TRAPPC9: variants seen among roughly 807,000 people sequenced by gnomAD.
TRAPPC9 encodes the protein trafficking protein particle complex subunit 9, also known as IKK2 binding protein.
In TRAPPC9, 83 loss-of-function variants were observed where a neutral mutation model predicts 124.0. The ratio of observed to expected loss-of-function variants is 0.67; its 90% CI spans 0.56 to 0.80. The LOEUF (loss-of-function observed/expected upper bound fraction) is 0.80, where lower values mean the gene tolerates loss of function less well. Ranked by LOEUF, TRAPPC9 falls within the 30% of genes least tolerant of loss-of-function variation. The pLI is 0.00. For missense variants in TRAPPC9, 1,302 were observed against 1,508.3 expected (o/e 0.86, Z 2.27); for synonymous variants, 638 against 617.5 (o/e 1.03, Z -0.49).
intron 19 of TRAPPC9, among the ~76,000 whole-genome samples, chr8:139,934,877 A>C (rs1024981013): frequency 6.6e-6 from 1 of 152,228 alleles, no homozygotes; most frequent in African/African-American, 2.4e-5. Flanking sequence ...TAGGAGCCCC[A>C]GCACTGCCAA....
intron 2 of TRAPPC9, among the ~76,000 whole-genome samples, chr8:140,445,542 C>T (rs993113257): frequency 6.6e-6 from 1 of 152,164 alleles, no homozygotes; most frequent in Non-Finnish European, 1.5e-5. Flanking sequence ...GAGGAGGGAG[C>T]CCGGGCCAGG....
chr8:139,756,861 T>C (rs1437230142), intron 21 of TRAPPC9, among the ~76,000 whole-genome samples: 1 of 128,290 alleles, frequency 7.8e-6, no homozygotes, highest in Non-Finnish European at 1.6e-5. Context: ...GAGCCAGGGA[T>C]TGGGGATGAG....
At chr8:140,091,230 C>A (rs1019431738) in intron 17 of TRAPPC9, among the ~76,000 whole-genome samples, 7 of 152,304 alleles carry the variant, frequency 4.6e-5, no homozygotes, top group Non-Finnish European at 8.8e-5. Flanking sequence ...GCCCCCTCAT[C>A]CTGCACCCCC....
At chr8:140,453,388 G>A (rs988403812) in intron 1 of TRAPPC9, among the ~76,000 whole-genome samples, 8 of 152,130 alleles carry the variant, frequency 5.3e-5, no homozygotes, top group East Asian at 1.9e-4. Flanking sequence ...TGCAGAGATC[G>A]TGGCAGTAAA....
chr8:140,300,319 A>G (rs775001049), intron 11 of TRAPPC9, 150 bp downstream of exon 11: 3 of 995,768 alleles, frequency 3.0e-6, no homozygotes, highest in South Asian at 1.3e-5. Context: ...ATGCACACAC[A>G]TATACACACA....
At chr8:140,122,423 A>G (rs1239556654) in intron 17 of TRAPPC9, among the ~76,000 whole-genome samples, 3 of 152,174 alleles carry the variant, frequency 2.0e-5, no homozygotes, top group African/African-American at 7.2e-5. Flanking sequence ...AGGCCACTAC[A>G]TTTGTGACAA....
rs565810619 is a variant in TRAPPC9, at chr8:140,223,105, T to C, written c.2432-1522A>G. Among the ~76,000 whole-genome samples the C allele has an allele frequency of 2.0e-5, 3 of 152,300 alleles. No individual in the cohort carries two copies. In the South Asian group the frequency reaches 6.2e-4, roughly 32 times the overall value. ...GTGCCATGGTGGTTTGCTGCACCTA[T>C]CAACCCATCACCCACGTATTAAACC... is the stretch of plus-strand genomic sequence containing the variant. On this transcript the variant is annotated intron_variant, in intron 16 of 22. Coordinates refer to ENST00000438773, the MANE Select transcript of TRAPPC9 (RefSeq NM_001160372.4).
intron 16 of TRAPPC9, among the ~76,000 whole-genome samples, chr8:140,251,188 C>T (rs1446441801): frequency 2.6e-5 from 4 of 152,198 alleles, no homozygotes; most frequent in Non-Finnish European, 4.4e-5. Flanking sequence ...AGCCTGGAGT[C>T]CACGTGCCAA....
intron 17 of TRAPPC9, among the ~76,000 whole-genome samples, chr8:140,111,964 G>A (rs1234292699): frequency 6.6e-6 from 1 of 152,268 alleles, no homozygotes. Context: ...TCAGGCGCAG[G>A]CGCCATGGCA....
rs528981157 is a variant in TRAPPC9 at position 139,728,487 on chromosome 8, G to A, written c.*2574C>T. 4.6e-5 allele frequency among the ~76,000 whole-genome samples: 7 copies of A among 152,166 alleles called. No individual in the cohort carries two copies. Among genetic ancestry groups the A allele is most frequent in the African/African-American group, 7.2e-5 (3 of 41,436 alleles). On this transcript the variant is annotated 3_prime_UTR_variant, in exon 23 of 23. Coordinates refer to ENST00000438773, the MANE Select transcript of TRAPPC9 (RefSeq NM_001160372.4). Reference sequence around the variant, plus strand: ...CCTGGAAGAGGCTGGAGGATACTGCGCTGTCACTGAGACACCTGCCCCAGG... The same window carrying A: ...CCTGGAAGAGGCTGGAGGATACTGCACTGTCACTGAGACACCTGCCCCAGG...
At chr8:140,176,756 T>C (rs1211299506) in intron 17 of TRAPPC9, among the ~76,000 whole-genome samples, 1 of 152,248 alleles carries the variant, frequency 6.6e-6, no homozygotes, top group Non-Finnish European at 1.5e-5. Context: ...GTAGTCACAC[T>C]ATTTTACATT....
In TRAPPC9 at chr8:140,311,462, G is replaced by C; in HGVS notation, c.1496-88C>G. The C allele has an allele frequency of 4.8e-6, 7 of 1,462,332 alleles. No individual in the cohort carries two copies. In the South Asian group the frequency reaches 6.9e-5, roughly 15 times the overall value. The allele number at this position is 1,462,332 out of a possible 1,614,324, so 90.6% of individuals were successfully genotyped here. A position where few individuals can be genotyped will look rare whatever the true frequency, so the allele number is the denominator to read the frequency against. The stretch of plus-strand genomic sequence containing the variant: ...ATTTTACTTGGGGCATTTCATGACA[G>C]TCCAGTGAGTCCAATCTTCTGACAG... On this transcript the variant is annotated intron_variant, in intron 9 of 22. Coordinates refer to ENST00000438773, the MANE Select transcript of TRAPPC9 (RefSeq NM_001160372.4).
intron 7 of TRAPPC9, among the ~76,000 whole-genome samples, chr8:140,384,745 C>T (rs1467509737): frequency 2.0e-5 from 3 of 152,152 alleles, no homozygotes; most frequent in Non-Finnish European, 4.4e-5. Context: ...CCACTGTCAA[C>T]ATTAGACAGA....
At chr8:140,384,197 C>CTGCAAAACATGCCAAATTGTAAAGT (rs2068690578) in intron 7 of TRAPPC9, among the ~76,000 whole-genome samples, 2 of 152,142 alleles carry the variant, frequency 1.3e-5, no homozygotes, top group Non-Finnish European at 2.9e-5. Context: ...GTAACAGTCA[C>CTGCAAAACATGCCAAATTGTAAAGT]TGCAAAAACA....
At chr8:139,889,632 C>T (rs965774867) in intron 20 of TRAPPC9, among the ~76,000 whole-genome samples, 2 of 152,106 alleles carry the variant, frequency 1.3e-5, no homozygotes, top group African/African-American at 2.4e-5. Context: ...AGCACAGTTA[C>T]GAAGGTAGAT....
In TRAPPC9 at chr8:139,800,146, C is replaced by T. The variant is rs921290619; in HGVS notation, c.3056-67944G>A. On this transcript the variant is annotated intron_variant, in intron 21 of 22. Transcript: ENST00000438773. ...TGGACGGGCCAGACTGCGCTCCTGCCGCTGGGGCGCCTTTGGCTGAGGTCC... is the reference window on the plus strand; with the variant it reads ...TGGACGGGCCAGACTGCGCTCCTGCTGCTGGGGCGCCTTTGGCTGAGGTCC... Among the ~76,000 whole-genome samples, 3 of 152,254 alleles carry T rather than the reference C, an allele frequency of 2.0e-5. 1 individual carries two copies. The highest frequency in any genetic ancestry group is 4.1e-4 in the South Asian group (2 of 4,836).
chr8:140,271,532 A>G (rs1427209907), intron 15 of TRAPPC9, among the ~76,000 whole-genome samples: 1 of 152,112 alleles, frequency 6.6e-6, no homozygotes, highest in East Asian at 1.9e-4. Context: ...GGGGAAGGGG[A>G]GGGAGAAACA....
intron 19 of TRAPPC9, among the ~76,000 whole-genome samples, chr8:139,960,001 C>T (rs1220109930): frequency 6.6e-6 from 1 of 152,206 alleles, no homozygotes; most frequent in African/African-American, 2.4e-5. Context: ...ACAGACTGAG[C>T]ACCTGTGTCA....
chr8:140,156,242 C>G (rs1322170898), intron 17 of TRAPPC9, among the ~76,000 whole-genome samples: 1 of 152,244 alleles, frequency 6.6e-6, no homozygotes, highest in Non-Finnish European at 1.5e-5. Flanking sequence ...ACACAGACAT[C>G]TGGCAGCACC....
Sources: allele counts gnomAD v4.1 joint callset (sites outside exome capture counted in the v4.1 genomes callset), GRCh38; gene constraint gnomAD v4.1.1; transcripts MANE v1.5; gene names NCBI Gene and HGNC (gene_info 2026-07-23, HGNC 2026-07-21).